The following RBM19 variants were observed in gnomAD, a reference collection of about 807,000 sequenced individuals.
RBM19 encodes the protein RNA binding motif protein 19.
Under a neutral mutation model 116.8 loss-of-function variants are expected in RBM19, and 94 were observed. The observed-to-expected ratio is 0.80, with a 90% confidence interval of 0.68 to 0.95. The LOEUF is 0.95. Ranked by LOEUF, RBM19 falls within the 40% of genes least tolerant of loss-of-function variation. The pLI is 0.00. For missense variants in RBM19, 1,161 were observed against 1,220.7 expected, an observed-to-expected ratio of 0.95 and a Z score of 0.73; for synonymous variants, 475 against 494.1, an observed-to-expected ratio of 0.96 and a Z score of 0.51.
At chr12:113,935,661 T>C (rs1294112465) in intron 16 of RBM19, among the ~76,000 whole-genome samples, 1 of 152,172 alleles carries the variant, frequency 6.6e-6, no homozygotes, top group East Asian at 1.9e-4. Context: ...GCTGAGCCAG[T>C]CCTGAAGATA....
chr12:113,955,481 G>C (rs747113474), intron 6 of RBM19, among the ~76,000 whole-genome samples: 1 of 151,612 alleles, frequency 6.6e-6, no homozygotes, highest in Non-Finnish European at 1.5e-5. Flanking sequence ...GGGCTACAAG[G>C]AGGGGCAGGG....
intron 1 of RBM19, among the ~76,000 whole-genome samples, chr12:113,965,309 C>A (rs1272276447): frequency 1.3e-4 from 18 of 134,552 alleles, no homozygotes; most frequent in South Asian, 4.8e-4. Context: ...AAGAAAAAAA[C>A]AAAAAACAAA....
rs764370381 is a variant in RBM19 at position 113,962,338 on chromosome 12, T to C, written c.113A>G (p.Asp38Gly). The change falls in exon 2 of 24, where the codon GAT (aspartate) becomes GGT (glycine). Residue 38 changes from aspartate (D) to glycine (G), a missense_variant. Transcript: ENST00000261741. Reference protein sequence around the residue: ...LTDCSLKFTKDGKFRKFGFIG... With the variant: ...LTDCSLKFTKGGKFRKFGFIG... ...AAAACCAAACTTGCGGAACTTGCCA[T>C]CTTTGGTGAACTTCAGGCTGCAGTC... 7 of 1,614,214 alleles carry C rather than the reference T, an allele frequency of 4.3e-6. No homozygotes were observed. Among genetic ancestry groups the C allele is most frequent in the Middle Eastern group, 1.6e-4 (1 of 6,062 alleles).
chr12:113,898,218 G>A lies in RBM19; in HGVS notation c.2558+16751C>T, dbSNP rs1881467658. ...GTTGAGGGTGGGGTGGGGGTGGAGAGGATTTGCTCTTTTTGTAGGACAATT... is the reference window on the plus strand; with the variant it reads ...GTTGAGGGTGGGGTGGGGGTGGAGAAGATTTGCTCTTTTTGTAGGACAATT... On this transcript the variant is annotated intron_variant, in intron 21 of 23. Transcript: ENST00000261741. This position sits in a 1 kb window ranked among gnomAD's most constrained non-coding sequence, Gnocchi z 4.3. Among the ~76,000 whole-genome samples, 2 of 152,044 alleles carry A rather than the reference G, an allele frequency of 1.3e-5. No individual in the cohort carries two copies. The highest frequency in any genetic ancestry group is 2.1e-4 in the South Asian group (1 of 4,812).
At chr12:113,934,208 C>A (rs114787048) in intron 16 of RBM19, among the ~76,000 whole-genome samples, 2,597 of 152,348 alleles carry the variant, frequency 0.017, 83 homozygotes, top group African/African-American at 0.058. Flanking sequence ...CTGCCTCAGC[C>A]TCCCAAGATG....
At chr12:113,960,752 G>A (rs565201692) in intron 2 of RBM19, among the ~76,000 whole-genome samples, 1 of 152,298 alleles carries the variant, frequency 6.6e-6, no homozygotes, top group Non-Finnish European at 1.5e-5. Context: ...ACTGCCCTGG[G>A]TTAATTATCA....
intron 21 of RBM19, among the ~76,000 whole-genome samples, chr12:113,893,335 T>A (rs1314089602): frequency 6.6e-6 from 1 of 152,014 alleles, no homozygotes; most frequent in Non-Finnish European, 1.5e-5. Flanking sequence ...TTTTTTGTAG[T>A]GACATGCTGT....
chr12:113,825,317 A>G lies in RBM19; in HGVS notation c.2786-1996T>C, dbSNP rs1222892455. On this transcript the variant is annotated intron_variant, in intron 23 of 23. Coordinates refer to ENST00000261741, the MANE Select transcript of RBM19 (RefSeq NM_016196.4). The surrounding 1 kb of genome is among the most constrained non-coding windows in gnomAD (Gnocchi z 5.7). ...TCTACCCATCATTGTTAATCATGAAAAGGGAGAGGGGGACAGGGTGGGCTG... is the reference window on the plus strand; with the variant it reads ...TCTACCCATCATTGTTAATCATGAAGAGGGAGAGGGGGACAGGGTGGGCTG... 6.7e-6 allele frequency among the ~76,000 whole-genome samples: 1 copy of G among 149,988 alleles called. No individual in the cohort carries two copies.
At chr12:113,964,939 G>GA (rs201302500) in intron 1 of RBM19, among the ~76,000 whole-genome samples, 124 of 137,098 alleles carry the variant, frequency 9.0e-4, no homozygotes, top group Middle Eastern at 3.6e-3. Context: ...CCTGACAAAT[G>GA]AAAAAAAAAA....
chr12:113,871,657 T>G (rs916751936), intron 21 of RBM19, among the ~76,000 whole-genome samples: 2 of 152,182 alleles, frequency 1.3e-5, no homozygotes, highest in African/African-American at 4.8e-5. Flanking sequence ...AAACATGATA[T>G]TAAAACCACT....
At chr12:113,858,459 C>T (rs895480081) in intron 22 of RBM19, among the ~76,000 whole-genome samples, 4 of 152,170 alleles carry the variant, frequency 2.6e-5, no homozygotes, top group Non-Finnish European at 4.4e-5. Context: ...ATACTGCCTA[C>T]CCCAGGGGGC....
At chr12:113,933,216 CCTA>C (rs543576351) in intron 16 of RBM19, among the ~76,000 whole-genome samples, 68 of 152,156 alleles carry the variant, frequency 4.5e-4, no homozygotes, top group African/African-American at 1.6e-3. Context: ...CCACTCCCCT[CCTA>C]CTCTTCTTCC....
intron 15 of RBM19, among the ~76,000 whole-genome samples, chr12:113,937,790 G>C (rs1870207202): frequency 6.6e-6 from 1 of 151,324 alleles, no homozygotes; most frequent in Non-Finnish European, 1.5e-5. Flanking sequence ...AGGGGCCCTG[G>C]GCAGGCGGGT....
chr12:113,934,413 C>T (rs1430734290), intron 16 of RBM19, among the ~76,000 whole-genome samples: 1 of 152,200 alleles, frequency 6.6e-6, no homozygotes, highest in Non-Finnish European at 1.5e-5. Context: ...GCCATTTCCC[C>T]AGGGGCTCTA....
chr12:113,879,446 T>TATACATAC, intron 21 of RBM19, among the ~76,000 whole-genome samples: 1 of 142,332 alleles, frequency 7.0e-6, no homozygotes, highest in South Asian at 2.4e-4. Context: ...TATATATATA[T>TATACATAC]ATATGGACTT....
chr12:113,942,105 G>GCACCCCCATGTA (rs1870625004), intron 14 of RBM19, among the ~76,000 whole-genome samples: 1 of 152,174 alleles, frequency 6.6e-6, no homozygotes, highest in Non-Finnish European at 1.5e-5. Context: ...GGGGTTGTAG[G>GCACCCCCATGTA]CAGACCTCTT....
intron 1 of RBM19, among the ~76,000 whole-genome samples, chr12:113,965,369 A>G (rs1342212051): frequency 1.3e-5 from 2 of 152,068 alleles, no homozygotes; most frequent in African/African-American, 4.8e-5. Flanking sequence ...AAGACAAACA[A>G]TGATAAGAGA....
intron 21 of RBM19, among the ~76,000 whole-genome samples, chr12:113,882,476 A>G (rs1880216051): frequency 6.6e-6 from 1 of 152,266 alleles, no homozygotes; most frequent in South Asian, 2.1e-4. Context: ...TCCAAGGTAA[A>G]GAATCAGCAT....
At chr12:113,887,362 C>T (rs1042434999) in intron 21 of RBM19, among the ~76,000 whole-genome samples, 2 of 152,002 alleles carry the variant, frequency 1.3e-5, no homozygotes, top group African/African-American at 2.4e-5. Context: ...ACTGGCTGGG[C>T]GCAGTGGCTC....
Sources: allele counts gnomAD v4.1 joint callset (sites outside exome capture counted in the v4.1 genomes callset), GRCh38; gene constraint gnomAD v4.1.1; non-coding constraint Gnocchi (gnomAD v3.1); transcripts MANE v1.5; gene names NCBI Gene and HGNC (gene_info 2026-07-23, HGNC 2026-07-21).